DZANK1: variants seen among roughly 807,000 people sequenced by gnomAD.
DZANK1 encodes double zinc ribbon and ankyrin repeat-containing protein 1.
In DZANK1, 91 loss-of-function variants were observed where a neutral mutation model predicts 94.5. That is an observed-to-expected ratio of 0.96 (90% confidence interval 0.81 to 1.15). The LOEUF is 1.15. Ranked by LOEUF, DZANK1 falls within the 50% of genes most tolerant of loss-of-function variation. The pLI, the probability that DZANK1 is intolerant of heterozygous loss-of-function variation, is 0.00. For missense variants in DZANK1, 903 were observed against 916.4 expected, an observed-to-expected ratio of 0.99 and a Z score of 0.19; for synonymous variants, 312 against 325.3, an observed-to-expected ratio of 0.96 and a Z score of 0.44.
chr20:18,389,243 T>C (rs1288552727), intron 19 of DZANK1, among the ~76,000 whole-genome samples: 1 of 152,140 alleles, frequency 6.6e-6, no homozygotes, highest in Non-Finnish European at 1.5e-5. Context: ...TGTGGTGACC[T>C]CAGATGTACC....
intron 4 of DZANK1, chr20:18,454,061 G>T (rs2059200288): frequency 1.6e-6 from 1 of 611,426 alleles, no homozygotes; most frequent in African/African-American, 1.8e-5. Flanking sequence ...AGTGGCCAAG[G>T]CAGGAGGCAG....
chr20:18,404,161 T>C (rs2056834990), intron 13 of DZANK1, among the ~76,000 whole-genome samples: 1 of 152,038 alleles, frequency 6.6e-6, no homozygotes, highest in Non-Finnish European at 1.5e-5. Flanking sequence ...CCATTAGCAT[T>C]AGTGTATTTT....
intron 15 of DZANK1, among the ~76,000 whole-genome samples, chr20:18,396,063 T>A (rs890642569): frequency 1.3e-5 from 2 of 152,234 alleles, no homozygotes; most frequent in Non-Finnish European, 2.9e-5. Context: ...TTGAAACACA[T>A]TTACAGGCTC....
exon 12 of DZANK1, chr20:18,414,400 C>A (rs1212042161): frequency 1.2e-6 from 2 of 1,613,872 alleles, no homozygotes; most frequent in Non-Finnish European, 1.7e-6. Context: ...TCTGTCCAAG[C>A]TAAGTTTCAC....
At position 18,394,252 on chromosome 20, in the gene DZANK1, AC is replaced by A. The variant is rs1466666592; in HGVS notation, c.1708+1del. On this transcript the variant is annotated splice_donor_variant, in intron 16 of 20. Transcript: ENST00000262547. LOFTEE classifies it high-confidence loss of function. ...TAAAATTGCCAGAAGGGAATAACTC[AC>A]CCCAGCTGGACCTGCTGCCGCACAG... 3 of 1,612,298 alleles carry A rather than the reference AC, an allele frequency of 1.9e-6. No individual in the cohort carries two copies. The highest frequency in any genetic ancestry group is 2.5e-6 in the Non-Finnish European group (3 of 1,179,344).
At chr20:18,455,186 C>T in intron 4 of DZANK1, 61 bp downstream of exon 4, 1 of 1,306,454 alleles carries the variant, frequency 7.7e-7, no homozygotes, top group East Asian at 2.5e-5. Context: ...GATCTGCTCA[C>T]TGAGAAAGAA....
chr20:18,398,332 T>C (rs570023980), intron 14 of DZANK1, 191 bp downstream of exon 14: 2 of 573,468 alleles, frequency 3.5e-6, no homozygotes, highest in South Asian at 4.6e-5. Flanking sequence ...AGAAGCAGAC[T>C]CTGAGACAAT....
intron 15 of DZANK1, chr20:18,394,805 A>G (rs886840347): frequency 1.3e-5 from 6 of 457,092 alleles, no homozygotes; most frequent in Admixed American, 2.3e-5. Context: ...TTACTAACTT[A>G]GTGCCCTTGG....
intron 15 of DZANK1, 172 bp from the exon 16 acceptor site, chr20:18,394,522 G>C: frequency 2.7e-6 from 2 of 728,854 alleles, no homozygotes; most frequent in Non-Finnish European, 4.8e-6. Context: ...TCCCCAGCAT[G>C]CTTTGTCCGT....
chr20:18,461,703 G>A (rs777934423), intron 2 of DZANK1, among the ~76,000 whole-genome samples: 2 of 151,344 alleles, frequency 1.3e-5, no homozygotes, highest in African/African-American at 4.9e-5. Flanking sequence ...GAGTTCAAGC[G>A]ATTCTCCTGC....
At chr20:18,386,467 A>C (rs1264563486) in intron 19 of DZANK1, among the ~76,000 whole-genome samples, 2 of 152,248 alleles carry the variant, frequency 1.3e-5, no homozygotes, top group African/African-American at 4.8e-5. Flanking sequence ...TGGTATCTGC[A>C]GAATGAGTCA....
At chr20:18,417,533 C>A (rs2057548286) in intron 10 of DZANK1, among the ~76,000 whole-genome samples, 1 of 139,196 alleles carries the variant, frequency 7.2e-6, no homozygotes, top group Non-Finnish European at 1.6e-5. Context: ...AGAGTGATAT[C>A]AAGTCTAAAA....
chr20:18,439,358 G>A (rs1281362244), intron 8 of DZANK1, among the ~76,000 whole-genome samples: 1 of 152,190 alleles, frequency 6.6e-6, no homozygotes, highest in Non-Finnish European at 1.5e-5. Flanking sequence ...GACTGAATTT[G>A]TGAACTGATT....
intron 10 of DZANK1, among the ~76,000 whole-genome samples, chr20:18,422,565 A>C (rs1031740904): frequency 3.3e-5 from 5 of 152,236 alleles, no homozygotes; most frequent in African/African-American, 1.2e-4. Flanking sequence ...GTTATTTAAA[A>C]TATTATATAA....
At chr20:18,409,345 G>A (rs965733156) in intron 13 of DZANK1, among the ~76,000 whole-genome samples, 1 of 152,142 alleles carries the variant, frequency 6.6e-6, no homozygotes, top group Admixed American at 6.5e-5. Context: ...TATATTAACA[G>A]CAGAACTCTC....
chr20:18,398,111 G>A (rs1167933899), intron 14 of DZANK1, among the ~76,000 whole-genome samples: 1 of 152,200 alleles, frequency 6.6e-6, no homozygotes, highest in Admixed American at 6.5e-5. Flanking sequence ...TGCTGTGAAG[G>A]CAAGAATGAT....
chr20:18,398,886 C>T (rs1568892642), intron 13 of DZANK1, among the ~76,000 whole-genome samples: 1 of 151,898 alleles, frequency 6.6e-6, no homozygotes, highest in Non-Finnish European at 1.5e-5. Context: ...TAATCCAACA[C>T]TTTGGGAGGC....
chr20:18,460,257 T>C, exon 3 of DZANK1: 1 of 1,591,190 alleles, frequency 6.3e-7, no homozygotes. Flanking sequence ...TCTTTAGAAA[T>C]TCAGGTTTGC....
chr20:18,456,815 T>C (rs762833466), intron 3 of DZANK1, among the ~76,000 whole-genome samples: 1 of 152,214 alleles, frequency 6.6e-6, no homozygotes, highest in African/African-American at 2.4e-5. Flanking sequence ...CCCCAGCTGA[T>C]GGTCATTTGG....
Sources: gnomAD v4.1 joint callset for allele counts (sites outside exome capture counted in the v4.1 genomes callset) on GRCh38, gnomAD v4.1.1 for gene constraint, MANE v1.5 for transcripts, NCBI Gene and HGNC (gene_info 2026-07-23, HGNC 2026-07-21) for gene names.